CEP250: variants seen among roughly 807,000 people sequenced by gnomAD.
CEP250 encodes the protein centrosomal protein 250.
In CEP250, 242 loss-of-function variants were observed where a neutral mutation model predicts 315.7. The ratio of observed to expected loss-of-function variants is 0.77; its 90% CI spans 0.69 to 0.85. The LOEUF is 0.85. Among genes scored for constraint, CEP250 ranks in the 40% least tolerant of loss-of-function variants. CEP250 has a pLI of 0.00. For missense variants in CEP250, 2,515 were observed against 2,886.4 expected (o/e 0.87, Z 2.95); for synonymous variants, 1,088 against 1,175.0 (o/e 0.93, Z 1.51).
At chr20:35,505,600 C>T (rs2064163052) in intron 30 of CEP250, among the ~76,000 whole-genome samples, 1 of 149,840 alleles carries the variant, frequency 6.7e-6, no homozygotes, top group Non-Finnish European at 1.5e-5. Context: ...TTGCAGTGAG[C>T]CGAGATCGCA....
In CEP250 at chr20:35,496,741, C is replaced by T. The variant is rs772480100; in HGVS notation, c.3306+26C>T. 2.5e-6 allele frequency: 4 copies of T among 1,598,610 alleles called. No homozygotes were observed. In the South Asian group the frequency reaches 3.4e-5, roughly 13 times the overall value. ...GTACTTCCCACTCTGGTTATGAGCT[C>T]TGCATCCCTGGCAGAAGCCTGATTC... On this transcript the variant is annotated intron_variant, in intron 25 of 34. Transcript: ENST00000397527.
chr20:35,482,629 G>A (rs1354939598), intron 20 of CEP250, among the ~76,000 whole-genome samples: 2 of 151,352 alleles, frequency 1.3e-5, no homozygotes, highest in East Asian at 2.0e-4. Context: ...GTGCAATCTC[G>A]GCTCACTGTA....
Position 35,479,591 on chromosome 20 carries a change from G to C in CEP250, c.2289-55G>C, listed in dbSNP as rs2063281835. ...ATACTTAGAACCCAGCTCCTCTTGA[G>C]GAAGGGTAAGGGGCTTGATGGGTAA... On this transcript the variant is annotated intron_variant, in intron 18 of 34. Coordinates refer to ENST00000397527, the MANE Select transcript of CEP250 (RefSeq NM_007186.6). The C allele has an allele frequency of 6.9e-6, 11 of 1,594,706 alleles. No individual in the cohort carries two copies. The East Asian group carries it at 2.5e-4, about 36-fold the overall frequency.
At chr20:35,474,310 G>A (rs2063110264) in intron 14 of CEP250, among the ~76,000 whole-genome samples, 1 of 152,184 alleles carries the variant, frequency 6.6e-6, no homozygotes, top group African/African-American at 2.4e-5. Flanking sequence ...CCTGATTTCA[G>A]GGAACTTGCC....
chr20:35,488,845 G>A (rs1245476555), intron 20 of CEP250, among the ~76,000 whole-genome samples: 1 of 152,104 alleles, frequency 6.6e-6, no homozygotes, highest in Non-Finnish European at 1.5e-5. Context: ...GAGTAGGGGG[G>A]AGAAGGGCTT....
chr20:35,492,516 C>T (rs1457502414), intron 22 of CEP250, among the ~76,000 whole-genome samples: 1 of 152,130 alleles, frequency 6.6e-6, no homozygotes, highest in Non-Finnish European at 1.5e-5. Context: ...AAATGCCTGC[C>T]ATGTGAAGAA....
At position 35,503,178 on chromosome 20, in the gene CEP250, G is replaced by A; in HGVS notation, c.4809G>A (p.Glu1603=). ...TGGACCTAGAAGAAAGGAGCCAGGA[G>A]CTGCAGGCACAAAGCAGCCAGATCC... ...LTLDLEERSQ[E]LQAQSSQIHD... Residue 1603 remains glutamate, a synonymous_variant, in exon 30 of 35, where the codon GAG becomes GAA. Coordinates refer to ENST00000397527, the MANE Select transcript of CEP250 (RefSeq NM_007186.6). This position sits in a 1 kb window ranked among gnomAD's most constrained non-coding sequence, Gnocchi z 4.2. The A allele has an allele frequency of 1.2e-6, 2 of 1,614,126 alleles. No individual in the cohort carries two copies. Among genetic ancestry groups the A allele is most frequent in the South Asian group, 1.1e-5 (1 of 91,082 alleles).
intron 20 of CEP250, 82 bp downstream of exon 20, chr20:35,480,227 G>A (rs1469966825): frequency 5.8e-6 from 8 of 1,381,514 alleles, no homozygotes; most frequent in East Asian, 2.5e-5. Flanking sequence ...ATTGCTGCTC[G>A]TATGAGTGAA....
chr20:35,479,448 C>T (rs773356632), intron 18 of CEP250, 24 bp downstream of exon 18: 29 of 1,600,940 alleles, frequency 1.8e-5, no homozygotes, highest in Non-Finnish European at 2.5e-5. Context: ...TCAGTTCAGC[C>T]AAGCACAGAG....
Position 35,508,184 on chromosome 20 carries a change from G to A in CEP250, c.6900G>A (p.Leu2300=), listed in dbSNP as rs1238244047. The A allele has an allele frequency of 6.2e-7, 1 of 1,613,998 alleles. No individual in the cohort carries two copies. Among genetic ancestry groups the A allele is most frequent in the South Asian group, 1.1e-5 (1 of 91,058 alleles). Residue 2300 remains leucine (L), a synonymous_variant, in exon 32 of 35, where the codon TTG becomes TTA. Coordinates refer to ENST00000397527, the MANE Select transcript of CEP250 (RefSeq NM_007186.6). The part of the protein sequence containing the change: ...QRHNVQLRST[L]EQVERERRKL... ...ACAATGTCCAGCTGCGGAGTACCTT[G>A]GAGCAGGTGACCCCTCTTCTTGTCC...
In CEP250 at chr20:35,502,397, G is replaced by A. The variant is rs368716170; in HGVS notation, c.4028G>A (p.Arg1343Gln). The part of the protein sequence containing the change: ...ELQRMEAQGE[R>Q]ELLQAAKENL... ...TTTCATCTTGTCTTCTAGGGTGAGC[G>A]AGAGTTACTTCAGGCAGCCAAGGAG... Residue 1343 changes from arginine (R) to glutamine (Q), a missense_variant, in exon 30 of 35, where the codon CGA becomes CAA. Arg to Gln is a conservative substitution (Grantham distance 43). Coordinates refer to ENST00000397527, the MANE Select transcript of CEP250 (RefSeq NM_007186.6). The A allele has an allele frequency of 3.9e-5, 63 of 1,612,084 alleles. No individual in the cohort carries two copies. Among genetic ancestry groups the A allele is most frequent in the Non-Finnish European group, 4.8e-5 (57 of 1,179,092 alleles).
At chr20:35,490,920 G>A in intron 21 of CEP250, 116 bp downstream of exon 21, 2 of 1,261,830 alleles carry the variant, frequency 1.6e-6, no homozygotes, top group South Asian at 1.4e-5. Flanking sequence ...AGAGAGGGTA[G>A]CTACCCACTT....
chr20:35,465,994 A>T, intron 6 of CEP250, 45 bp from the exon 7 acceptor site: 2 of 1,610,186 alleles, frequency 1.2e-6, no homozygotes, highest in Non-Finnish European at 1.7e-6. Context: ...CAAGGGTTGG[A>T]CTAGACCTTT....
intron 5 of CEP250, 50 bp from the exon 6 acceptor site, chr20:35,465,693 G>T: frequency 1.4e-6 from 2 of 1,391,212 alleles, no homozygotes; most frequent in South Asian, 2.7e-5. Flanking sequence ...GAACTGGTCT[G>T]AGTGATGTTC....
chr20:35,505,304 C>T (rs1459838954), intron 30 of CEP250, among the ~76,000 whole-genome samples: 1 of 152,146 alleles, frequency 6.6e-6, no homozygotes, highest in Non-Finnish European at 1.5e-5. Flanking sequence ...TGGAGGGATG[C>T]CCACCCTTTC....
chr20:35,500,211 G>T, intron 28 of CEP250, 42 bp downstream of exon 28: 1 of 1,608,560 alleles, frequency 6.2e-7, no homozygotes, highest in Non-Finnish European at 8.5e-7. Flanking sequence ...GAGGGAGAAG[G>T]GATAGGTGGG....
intron 20 of CEP250, among the ~76,000 whole-genome samples, chr20:35,489,057 G>A (rs968756659): frequency 6.6e-6 from 1 of 151,978 alleles, no homozygotes; most frequent in African/African-American, 2.4e-5. Context: ...GAGTGGTGGC[G>A]GGCGCCTGTA....
intron 27 of CEP250, 137 bp from the exon 28 acceptor site, chr20:35,499,912 G>T: frequency 9.5e-7 from 1 of 1,050,890 alleles, no homozygotes. Flanking sequence ...GTGTTTAAAG[G>T]AAGTAACCCG....
intron 17 of CEP250, among the ~76,000 whole-genome samples, chr20:35,478,961 G>T (rs1030001269): frequency 2.0e-5 from 3 of 152,088 alleles, no homozygotes; most frequent in African/African-American, 7.2e-5. Context: ...AGTATTATGT[G>T]TGCATCTTCT....
Sources: allele counts gnomAD v4.1 joint callset (sites outside exome capture counted in the v4.1 genomes callset), GRCh38; gene constraint gnomAD v4.1.1; non-coding constraint Gnocchi (gnomAD v3.1); transcripts MANE v1.5; gene names NCBI Gene and HGNC (gene_info 2026-07-23, HGNC 2026-07-21).